PDCD7: variants seen among roughly 807,000 people sequenced by gnomAD.
PDCD7 encodes the protein programmed cell death protein 7.
A neutral mutation model predicts 42.1 loss-of-function variants in PDCD7; 40 were observed. That is an observed-to-expected ratio of 0.95 (90% CI 0.74 to 1.24). PDCD7 has a LOEUF of 1.24. Among genes scored for constraint, PDCD7 ranks in the 50% most tolerant of loss-of-function variants. The pLI is 0.00. For missense variants in PDCD7, 644 were observed against 662.8 expected, an observed-to-expected ratio of 0.97 and a Z score of 0.31; for synonymous variants, 299 against 303.3, an observed-to-expected ratio of 0.99 and a Z score of 0.15.
chr15:65,128,563 A>ACACAGTCT (rs1229245001), intron 2 of PDCD7, among the ~76,000 whole-genome samples: 1 of 152,230 alleles, frequency 6.6e-6, no homozygotes, highest in Non-Finnish European at 1.5e-5. Context: ...GGGGAAATCC[A>ACACAGTCT]CACAGTCTGC....
intron 2 of PDCD7, among the ~76,000 whole-genome samples, chr15:65,128,117 A>G (rs977234242): frequency 9.9e-5 from 15 of 152,222 alleles, no homozygotes; most frequent in African/African-American, 2.9e-4. Flanking sequence ...CCCAGTTTTC[A>G]TTTACATTTT....
intron 2 of PDCD7, among the ~76,000 whole-genome samples, chr15:65,128,490 C>T (rs1288506970): frequency 6.6e-6 from 1 of 152,184 alleles, no homozygotes; most frequent in Admixed American, 6.6e-5. Context: ...CTTGAACTGC[C>T]TGGCTATAGT....
chr15:65,121,469 A>G (rs1317423132), intron 2 of PDCD7, among the ~76,000 whole-genome samples: 11 of 152,196 alleles, frequency 7.2e-5, no homozygotes, highest in African/African-American at 2.7e-4. Flanking sequence ...CAACTCCCAG[A>G]TCTAATTAAT....
At chr15:65,118,913 T>G (rs1001570884) in intron 4 of PDCD7, 73 bp from the exon 5 acceptor site, 6 of 1,167,498 alleles carry the variant, frequency 5.1e-6, no homozygotes, top group Non-Finnish European at 3.5e-6. Context: ...AACTACATAT[T>G]CTAAGACTTA....
chr15:65,133,502 G>T lies in PDCD7; in HGVS notation c.280C>A (p.Gln94Lys), dbSNP rs2087561313. The change falls in exon 1 of 5, where the codon CAG becomes AAG. Residue 94 changes from glutamine to lysine, a missense_variant. Gln to Lys is a moderately conservative substitution (Grantham distance 53, BLOSUM62 1). Coordinates refer to ENST00000204549, the MANE Select transcript of PDCD7 (RefSeq NM_005707.2). ...TCGGTCCCCGGGAAGGGCCGACACTGGGGCGGCGGAGGAGGCAGCGGCGGT... is the reference window on the plus strand; with the variant it reads ...TCGGTCCCCGGGAAGGGCCGACACTTGGGCGGCGGAGGAGGCAGCGGCGGT... ...PPPPLPPPPP[Q>K]CRPFPGTDAG... 1 of 1,225,884 alleles carries T rather than the reference G, an allele frequency of 8.2e-7. No homozygotes were observed. 75.9% of individuals were successfully genotyped at this position (1,225,884 alleles called of 1,614,324 possible). A position where few individuals can be genotyped will look rare whatever the true frequency, so the allele number is the denominator to read the frequency against.
At chr15:65,121,334 T>C (rs774448979) in intron 2 of PDCD7, among the ~76,000 whole-genome samples, 1 of 152,190 alleles carries the variant, frequency 6.6e-6, no homozygotes, top group Non-Finnish European at 1.5e-5. Context: ...ATTACAGGCG[T>C]GAACCACCAT....
intron 1 of PDCD7, 78 bp from the exon 2 acceptor site, chr15:65,129,248 T>G (rs2087520593): frequency 1.3e-6 from 2 of 1,487,210 alleles, no homozygotes; most frequent in African/African-American, 2.8e-5. Flanking sequence ...AGTGGTTAGA[T>G]TTTAAAGGAT....
In PDCD7 at chr15:65,132,935, G is replaced by A. The variant is rs756847846; in HGVS notation, c.847C>T (p.Gln283Ter). 2 of 1,605,526 alleles carry A rather than the reference G, an allele frequency of 1.2e-6. No homozygotes were observed. The highest frequency in any genetic ancestry group is 8.5e-7 in the Non-Finnish European group (1 of 1,179,828). The change falls in exon 1 of 5, where the codon CAG becomes TAG. Residue 283 changes from glutamine (Q) to a stop codon, truncating the protein, a stop_gained. Transcript: ENST00000204549. LOFTEE classifies it high-confidence loss of function. Reference protein sequence around the residue: ...EIDRWRVKCVQEVEEKKREQE... With the variant: ...EIDRWRVKCV ...ACCCGCTTCTTCTCCTCCACCTCCT[G>A]CACACACTTCACCCTCCAGCGGTCA...
chr15:65,128,604 C>A (rs999962222), intron 2 of PDCD7, among the ~76,000 whole-genome samples: 1 of 152,216 alleles, frequency 6.6e-6, no homozygotes, highest in East Asian at 1.9e-4. Context: ...ATTCATACCT[C>A]TTCAAATAGA....
rs764991516 is a variant in PDCD7 at position 65,133,006 on chromosome 15, T to C, written c.776A>G (p.Glu259Gly). Residue 259 changes from glutamate to glycine, a missense_variant, in exon 1 of 5, where the codon GAG (glutamate) becomes GGG (glycine). By Grantham distance (98) the Glu-to-Gly change is moderately conservative. Coordinates refer to ENST00000204549, the MANE Select transcript of PDCD7 (RefSeq NM_005707.2). The part of the protein sequence containing the change: ...LRERAREREA[E>G]REAEAARAVE... ...TGCCCGCGCGGCCTCTGCCTCCCGC[T>C]CGGCCTCGCGTTCCCGGGCCCTCTC... 1.9e-5 allele frequency: 30 copies of C among 1,603,120 alleles called. No homozygotes were observed. The highest frequency in any genetic ancestry group is 2.5e-5 in the Non-Finnish European group (30 of 1,179,308).
intron 2 of PDCD7, among the ~76,000 whole-genome samples, chr15:65,128,791 G>A (rs918702287): frequency 9.9e-5 from 15 of 152,096 alleles, no homozygotes; most frequent in Non-Finnish European, 4.4e-5. Flanking sequence ...TAAGTCAAGG[G>A]GAAGACAGTG....
chr15:65,122,415 C>G (rs2087462827), intron 2 of PDCD7, among the ~76,000 whole-genome samples: 1 of 151,972 alleles, frequency 6.6e-6, no homozygotes, highest in Non-Finnish European at 1.5e-5. Flanking sequence ...CCATAATCAA[C>G]CATTTTATAC....
chr15:65,133,536 C>T lies in PDCD7; in HGVS notation c.246G>A (p.Pro82=). 1 of 1,228,188 alleles carries T rather than the reference C, an allele frequency of 8.1e-7. No individual in the cohort carries two copies. Among genetic ancestry groups the T allele is most frequent in the East Asian group, 3.2e-5 (1 of 31,482 alleles). 76.1% of individuals were successfully genotyped at this position (1,228,188 alleles called of 1,614,324 possible). A position where few individuals can be genotyped will look rare whatever the true frequency, so the allele number is the denominator to read the frequency against. The change falls in exon 1 of 5, where the codon CCG becomes CCA. Residue 82 remains proline (P), a synonymous_variant. Coordinates refer to ENST00000204549, the MANE Select transcript of PDCD7 (RefSeq NM_005707.2). Reference sequence around the variant, plus strand: ...GAGGAGGCAGCGGCGGTGGTGGCACCGGGTAGAAGGCGCCAGCGCCGCCTC... The same window carrying T: ...GAGGAGGCAGCGGCGGTGGTGGCACTGGGTAGAAGGCGCCAGCGCCGCCTC... ...RGGGGAGAFY[P]VPPPPLPPPP... is the part of the protein sequence containing the mutation.
intron 3 of PDCD7, 23 bp downstream of exon 3, chr15:65,119,695 C>T (rs771476368): frequency 1.3e-6 from 2 of 1,593,962 alleles, no homozygotes; most frequent in Non-Finnish European, 8.5e-7. Flanking sequence ...TTCATTTTCT[C>T]CACTGGTTAT....
chr15:65,119,392 C>G lies in PDCD7; in HGVS notation c.1318G>C (p.Ala440Pro). 1 of 1,613,698 alleles carries G rather than the reference C, an allele frequency of 6.2e-7. No homozygotes were observed. Among genetic ancestry groups the G allele is most frequent in the Non-Finnish European group, 8.5e-7 (1 of 1,179,670 alleles). The change falls in exon 4 of 5, where the codon GCG becomes CCG. Residue 440 changes from alanine (A) to proline (P), a missense_variant. By Grantham distance (27) the Ala-to-Pro change is conservative. Coordinates refer to ENST00000204549, the MANE Select transcript of PDCD7 (RefSeq NM_005707.2). ...CCCTCTGACCTGATCTGGATGAGCG[C>G]TGGCAGGGAGTGCTCGGCTTGGAGA... ...YYLQAEHSLP[A>P]LIQIRHDWDQ... is the part of the protein sequence containing the mutation.
intron 2 of PDCD7, among the ~76,000 whole-genome samples, chr15:65,128,561 C>A (rs1378910051): frequency 6.6e-6 from 1 of 152,204 alleles, no homozygotes; most frequent in Non-Finnish European, 1.5e-5. Context: ...GTGGGGAAAT[C>A]CACACAGTCT....
intron 4 of PDCD7, 35 bp from the exon 5 acceptor site, chr15:65,118,875 C>A: frequency 6.9e-7 from 1 of 1,457,336 alleles, no homozygotes; most frequent in Non-Finnish European, 9.2e-7. Context: ...CTATTTATTT[C>A]TGTTTTATTC....
Position 65,118,660 on chromosome 15 carries a change from G to A in PDCD7, c.*57C>T, listed in dbSNP as rs1381253396. On this transcript the variant is annotated 3_prime_UTR_variant, in exon 5 of 5. Transcript: ENST00000204549. ...GTCTACAGCAAAAGATGGCACCATC[G>A]CTAATATTTACAGCTGGAAAGAGCG... The A allele has an allele frequency of 6.7e-6, 10 of 1,490,366 alleles. No individual in the cohort carries two copies. Among genetic ancestry groups the A allele is most frequent in the African/African-American group, 1.4e-5 (1 of 70,076 alleles). The allele number at this position is 1,490,366 out of a possible 1,614,324, so 92.3% of individuals were successfully genotyped here. A position where few individuals can be genotyped will look rare whatever the true frequency, so the allele number is the denominator to read the frequency against.
chr15:65,120,015 C>T, intron 2 of PDCD7, 61 bp from the exon 3 acceptor site: 1 of 1,535,414 alleles, frequency 6.5e-7, no homozygotes, highest in East Asian at 2.2e-5. Context: ...AGGCCTCGCT[C>T]TAACACCCAG....
Sources: gnomAD v4.1 joint callset for allele counts (sites outside exome capture counted in the v4.1 genomes callset) on GRCh38, gnomAD v4.1.1 for gene constraint, MANE v1.5 for transcripts, NCBI Gene and HGNC (gene_info 2026-07-23, HGNC 2026-07-21) for gene names.